The following LPL variants were observed in gnomAD, a reference collection of about 807,000 sequenced individuals.
LPL encodes phospholipase A1.
In LPL, 43 loss-of-function variants were observed where a neutral mutation model predicts 52.2. The ratio of observed to expected loss-of-function variants is 0.82; its 90% confidence interval spans 0.64 to 1.06. LPL has a LOEUF of 1.06. Ranked by LOEUF, LPL falls within the 50% of genes least tolerant of loss-of-function variation. The pLI, the probability that LPL is intolerant of heterozygous loss-of-function variation, is 0.00. For missense variants in LPL, 639 were observed against 585.3 expected (o/e 1.09, Z -0.95); for synonymous variants, 244 against 215.6 (o/e 1.13, Z -1.15).
chr8:19,951,916 C>T lies in LPL; in HGVS notation c.397C>T (p.Gln133Ter), dbSNP rs118204058. Residue 133 changes from glutamine (Q) to a stop codon, truncating the protein, a stop_gained, in exon 3 of 10, where the codon CAG becomes TAG. Transcript: ENST00000650287. LOFTEE classifies it high-confidence loss of function. The part of the protein sequence containing the change: ...VSAGYTKLVG[Q>*]DVARFINWME... ...CGCGGGCTACACCAAACTGGTGGGACAGGATGTGGCCCGGTTTATCAACTG... is the reference window on the plus strand; with the variant it reads ...CGCGGGCTACACCAAACTGGTGGGATAGGATGTGGCCCGGTTTATCAACTG... 27 of 1,613,980 alleles carry T rather than the reference C, an allele frequency of 1.7e-5. No individual in the cohort carries two copies. Among genetic ancestry groups the T allele is most frequent in the Non-Finnish European group, 2.1e-5 (25 of 1,180,022 alleles).
chr8:19,953,497 T>C (rs540904247), intron 4 of LPL, 76 bp downstream of exon 4: 27 of 1,081,534 alleles, frequency 2.5e-5, no homozygotes, highest in Non-Finnish European at 3.4e-5. Flanking sequence ...AGAACAAATT[T>C]TGTTAAATAC....
At chr8:19,965,170 C>T (rs565197487) in intron 9 of LPL, 140 bp from the exon 10 acceptor site, 2 of 676,662 alleles carry the variant, frequency 3.0e-6, no homozygotes, top group South Asian at 3.5e-5. Flanking sequence ...ATACACATCT[C>T]CCCTGGGTTT....
chr8:19,947,908 T>A (rs182903552), intron 1 of LPL, among the ~76,000 whole-genome samples: 157 of 152,100 alleles, frequency 1.0e-3, no homozygotes, highest in Middle Eastern at 6.8e-3. Flanking sequence ...TACACACACA[T>A]ACCCTGACTA....
rs1442969312 is a variant in LPL at position 19,951,855 on chromosome 8, C to A, written c.336C>A (p.Asp112Glu). ...REPDSNVIVV[D>E]WLSRAQEHYP... ...CAGACTCCAATGTCATTGTGGTGGA[C>A]TGGCTGTCACGGGCTCAGGAGCATT... Residue 112 changes from aspartate (D) to glutamate (E), a missense_variant, in exon 3 of 10, where the codon GAC becomes GAA. Physicochemically the swap from Asp to Glu is conservative, Grantham distance 45. Transcript: ENST00000650287. 1 of 1,614,158 alleles carries A rather than the reference C, an allele frequency of 6.2e-7. No homozygotes were observed. The highest frequency in any genetic ancestry group is 2.2e-5 in the East Asian group (1 of 44,868).
At chr8:19,951,334 G>C (rs1381218516) in intron 2 of LPL, among the ~76,000 whole-genome samples, 1 of 152,160 alleles carries the variant, frequency 6.6e-6, no homozygotes, top group Non-Finnish European at 1.5e-5. Flanking sequence ...ACTACAAAGG[G>C]TGCCCAACAC....
Position 19,951,819 on chromosome 8 carries a change from C to T in LPL, c.300C>T (p.Tyr100=), listed in dbSNP as rs118204074. 6.2e-7 allele frequency: 1 copy of T among 1,614,148 alleles called. No individual in the cohort carries two copies. Among genetic ancestry groups the T allele is most frequent in the Admixed American group, 1.7e-5 (1 of 60,008 alleles). The change falls in exon 3 of 10, where the codon TAC becomes TAT. Residue 100 remains tyrosine (Y), a synonymous_variant. Coordinates refer to ENST00000650287, the MANE Select transcript of LPL (RefSeq NM_000237.3). ...TGCCAAAACTTGTGGCCGCCCTGTA[C>T]AAGAGAGAACCAGACTCCAATGTCA... The part of the protein sequence containing the change: ...SWVPKLVAAL[Y]KREPDSNVIV...
intron 1 of LPL, among the ~76,000 whole-genome samples, chr8:19,941,826 ATTCT>A (rs1415579524): frequency 6.6e-6 from 1 of 152,158 alleles, no homozygotes; most frequent in Non-Finnish European, 1.5e-5. Flanking sequence ...TTCATTCTGG[ATTCT>A]TTCTAACAAG....
rs1420082699 is a variant in LPL, at chr8:19,966,960, C to T, written c.*1650C>T. On this transcript the variant is annotated 3_prime_UTR_variant, in exon 10 of 10. Transcript: ENST00000650287. Reference sequence around the variant, plus strand: ...CTAAAGCAGCACATAGCACTGGGAACTCTGGCTCCGAAAAACTTTGTTATA... The same window carrying T: ...CTAAAGCAGCACATAGCACTGGGAATTCTGGCTCCGAAAAACTTTGTTATA... The T allele has an allele frequency of 6.6e-6, 1 of 152,604 alleles. No individual in the cohort carries two copies. The highest frequency in any genetic ancestry group is 1.5e-5 in the Non-Finnish European group (1 of 68,040). The allele number at this position is 152,604 out of a possible 1,614,324, so 9.5% of individuals were successfully genotyped here.
chr8:19,964,081 T>C (rs373596531), intron 9 of LPL, among the ~76,000 whole-genome samples: 2 of 152,176 alleles, frequency 1.3e-5, no homozygotes, highest in East Asian at 1.9e-4. Context: ...GCCTCCCAAG[T>C]AGCTGGGATT....
chr8:19,954,063 G>A (rs1006013358), intron 4 of LPL, 57 bp from the exon 5 acceptor site: 10 of 1,229,684 alleles, frequency 8.1e-6, no homozygotes, highest in African/African-American at 7.4e-5. Context: ...AGTGACATGC[G>A]AATGTCATAC....
rs921007195 is a variant in LPL, at chr8:19,961,174, G to C, written c.1322+91G>C. 2.7e-6 allele frequency: 3 copies of C among 1,116,282 alleles called. No homozygotes were observed. The Middle Eastern group carries it at 6.0e-4, about 224-fold the overall frequency. The allele number at this position is 1,116,282 out of a possible 1,614,324, so 69.1% of individuals were successfully genotyped here. ...ATTTCAGGGGCCTTCACAATTCAGG[G>C]AGAGCTTTAGGAAACCTTGTATTTA... On this transcript the variant is annotated intron_variant, in intron 8 of 9. Transcript: ENST00000650287.
chr8:19,960,386 G>C (rs1335899186), intron 7 of LPL, among the ~76,000 whole-genome samples: 1 of 152,090 alleles, frequency 6.6e-6, no homozygotes, highest in Non-Finnish European at 1.5e-5. Context: ...ACCTATACTA[G>C]CATAAATTAG....
chr8:19,953,730 T>A (rs1563574593), intron 4 of LPL, among the ~76,000 whole-genome samples: 1 of 151,988 alleles, frequency 6.6e-6, no homozygotes, highest in African/African-American at 2.4e-5. Context: ...TAAATGCACA[T>A]CAGTACTAGG....
Position 19,939,965 on chromosome 8 carries a change from G to C in LPL, c.88+437G>C, listed in dbSNP as rs1165441090. Reference sequence around the variant, plus strand: ...GGCCAAGGTGACCTCGCCTTGGTTGGCACTGCGGCTCAGCCCCCGCCCGGG... The same window carrying C: ...GGCCAAGGTGACCTCGCCTTGGTTGCCACTGCGGCTCAGCCCCCGCCCGGG... On this transcript the variant is annotated intron_variant, in intron 1 of 9. Transcript: ENST00000650287. The surrounding 1 kb of genome is among the most constrained non-coding windows in gnomAD (Gnocchi z 4.0). 6.6e-6 allele frequency among the ~76,000 whole-genome samples: 1 copy of C among 152,176 alleles called. No homozygotes were observed. The highest frequency in any genetic ancestry group is 1.9e-4 in the East Asian group (1 of 5,158).
At chr8:19,955,400 G>A (rs1323062134) in intron 5 of LPL, among the ~76,000 whole-genome samples, 1 of 152,136 alleles carries the variant, frequency 6.6e-6, no homozygotes, top group Non-Finnish European at 1.5e-5. Context: ...ATTATGATGG[G>A]TTTTGGGGGT....
At chr8:19,959,977 C>T (rs1445951527) in intron 7 of LPL, among the ~76,000 whole-genome samples, 2 of 151,474 alleles carry the variant, frequency 1.3e-5, no homozygotes, top group African/African-American at 4.9e-5. Context: ...TTAGTAGCGA[C>T]AGGGTCTCAC....
intron 6 of LPL, among the ~76,000 whole-genome samples, chr8:19,958,839 A>G (rs1563579248): frequency 6.6e-6 from 1 of 152,202 alleles, no homozygotes; most frequent in African/African-American, 2.4e-5. Context: ...ACAGTGACAT[A>G]TAGTGACACA....
In LPL at chr8:19,965,574, T is replaced by C. The variant is rs916987441; in HGVS notation, c.*264T>C. ...GACAGTGGATCATGAAAAGTGCTGT[T>C]TTGTCCTTTGAGAAAGAAATAATTG... On this transcript the variant is annotated 3_prime_UTR_variant, in exon 10 of 10. Coordinates refer to ENST00000650287, the MANE Select transcript of LPL (RefSeq NM_000237.3). 1.7e-5 allele frequency: 8 copies of C among 461,508 alleles called. No individual in the cohort carries two copies. Among genetic ancestry groups the C allele is most frequent in the Non-Finnish European group, 2.7e-5 (7 of 259,242 alleles). The allele number at this position is 461,508 out of a possible 1,614,324, so 28.6% of individuals were successfully genotyped here.
chr8:19,955,275 G>A (rs2128838383), intron 5 of LPL, among the ~76,000 whole-genome samples: 1 of 152,240 alleles, frequency 6.6e-6, no homozygotes, highest in Non-Finnish European at 1.5e-5. Flanking sequence ...CTCTTAAGAT[G>A]TGGTTTCTAG....
Sources: gnomAD v4.1 joint callset for allele counts (sites outside exome capture counted in the v4.1 genomes callset) on GRCh38, gnomAD v4.1.1 for gene constraint, Gnocchi (gnomAD v3.1) non-coding constraint, MANE v1.5 for transcripts, NCBI Gene and HGNC (gene_info 2026-07-23, HGNC 2026-07-21) for gene names.